CTNNA3: variants seen among roughly 807,000 people sequenced by gnomAD.
CTNNA3 encodes the protein catenin alpha-3.
Under a neutral mutation model 95.7 loss-of-function variants are expected in CTNNA3, and 76 were observed. The observed-to-expected ratio is 0.79, with a 90% CI of 0.66 to 0.96. The LOEUF is 0.96. CTNNA3 is among the 40% of genes least tolerant of loss of function. The pLI, the probability that CTNNA3 is intolerant of heterozygous loss-of-function variation, is 0.00. For synonymous variants in CTNNA3, 431 were observed against 374.4 expected (o/e 1.15, Z -1.74); for missense variants, 1,191 against 1,089.8 (o/e 1.09, Z -1.31).
intron 13 of CTNNA3, among the ~76,000 whole-genome samples, chr10:66,139,179 T>C (rs977885312): frequency 6.6e-6 from 1 of 152,204 alleles, no homozygotes; most frequent in African/African-American, 2.4e-5. Flanking sequence ...GATATCATGA[T>C]GCCGAAATGT....
At chr10:66,825,706 C>CT (rs969892434) in intron 7 of CTNNA3, among the ~76,000 whole-genome samples, 6 of 152,066 alleles carry the variant, frequency 3.9e-5, no homozygotes, top group Non-Finnish European at 5.9e-5. Context: ...GCTAGCCAAA[C>CT]TTTTTTTTCT....
At chr10:66,173,918 G>A (rs2085567953) in intron 13 of CTNNA3, among the ~76,000 whole-genome samples, 1 of 152,118 alleles carries the variant, frequency 6.6e-6, no homozygotes, top group African/African-American at 2.4e-5. Context: ...AAGATTTTAA[G>A]TAACTTGCTC....
intron 10 of CTNNA3, among the ~76,000 whole-genome samples, chr10:66,528,638 G>A (rs978626834): frequency 4.6e-5 from 7 of 152,166 alleles, no homozygotes; most frequent in African/African-American, 1.7e-4. Context: ...TTTGTGTTTA[G>A]TGGGTAATTT....
At chr10:66,454,918 T>A (rs4745899) in intron 11 of CTNNA3, among the ~76,000 whole-genome samples, 41,448 of 151,970 alleles carry the variant, frequency 0.27, 5,839 homozygotes, top group South Asian at 0.39. Context: ...TGTGTATGTA[T>A]GTCTGTACCA....
intron 8 of CTNNA3, among the ~76,000 whole-genome samples, chr10:66,773,820 C>A (rs1225212918): frequency 6.6e-6 from 1 of 152,086 alleles, no homozygotes; most frequent in East Asian, 1.9e-4. Flanking sequence ...ATCCCCAATG[C>A]TATTTCTATA....
At chr10:67,379,171 G>A (rs1425874205) in intron 5 of CTNNA3, among the ~76,000 whole-genome samples, 1 of 152,122 alleles carries the variant, frequency 6.6e-6, no homozygotes, top group Non-Finnish European at 1.5e-5. Flanking sequence ...TTATTATAAA[G>A]TTGCCATGAG....
At chr10:66,805,606 T>A (rs182866305) in intron 7 of CTNNA3, among the ~76,000 whole-genome samples, 6 of 151,644 alleles carry the variant, frequency 4.0e-5, no homozygotes, top group Non-Finnish European at 7.4e-5. Flanking sequence ...AAGGATTTTC[T>A]GAGATGTCTA....
intron 5 of CTNNA3, among the ~76,000 whole-genome samples, chr10:67,287,580 G>A (rs1377333680): frequency 2.6e-5 from 4 of 152,108 alleles, no homozygotes; most frequent in Non-Finnish European, 5.9e-5. Flanking sequence ...ATTTATAGAA[G>A]GATTTTTCTT....
chr10:66,595,361 T>A (rs1424046893), intron 10 of CTNNA3, among the ~76,000 whole-genome samples: 1 of 145,082 alleles, frequency 6.9e-6, no homozygotes, highest in Admixed American at 6.8e-5. Flanking sequence ...TATTATTATT[T>A]GAGACAGAGT....
intron 5 of CTNNA3, among the ~76,000 whole-genome samples, chr10:67,245,761 G>C (rs967139267): frequency 6.6e-6 from 1 of 151,448 alleles, no homozygotes; most frequent in African/African-American, 2.4e-5. Context: ...AAGAGGCTGA[G>C]GCAGAATTTC....
At chr10:67,463,361 C>T (rs559075098) in intron 5 of CTNNA3, among the ~76,000 whole-genome samples, 25 of 152,210 alleles carry the variant, frequency 1.6e-4, no homozygotes, top group Admixed American at 1.5e-3. Context: ...GCAAAAGAAA[C>T]CAAAATTTAC....
At chr10:66,866,446 C>A (rs946625704) in intron 7 of CTNNA3, among the ~76,000 whole-genome samples, 1 of 152,148 alleles carries the variant, frequency 6.6e-6, no homozygotes, top group Non-Finnish European at 1.5e-5. Flanking sequence ...TTATTTTGTG[C>A]AACTTTTGTG....
intron 3 of CTNNA3, among the ~76,000 whole-genome samples, chr10:67,600,986 G>A (rs1182969478): frequency 6.6e-6 from 1 of 152,184 alleles, no homozygotes; most frequent in Non-Finnish European, 1.5e-5. Flanking sequence ...CTCACCTATG[G>A]TGTTAGAAGT....
chr10:67,654,645 A>G (rs935744842), intron 1 of CTNNA3, among the ~76,000 whole-genome samples: 1 of 151,888 alleles, frequency 6.6e-6, no homozygotes, highest in African/African-American at 2.4e-5. Context: ...GCACCACCAC[A>G]CCTGGCTGTT....
intron 5 of CTNNA3, among the ~76,000 whole-genome samples, chr10:67,465,423 A>C (rs11819739): frequency 0.027 from 4,159 of 152,232 alleles, 96 homozygotes; most frequent in African/African-American, 0.051. Context: ...AGGAAAGGAA[A>C]GGAAAAGAGA....
rs75402570 is a variant in CTNNA3 at position 67,620,937 on chromosome 10, A to G, written c.100-13888T>C. Among the ~76,000 whole-genome samples, 5,015 of 138,356 alleles carry G rather than the reference A, an allele frequency of 0.036. 673 individuals are homozygous for G. The East Asian group carries it at 0.44, about 12-fold the overall frequency. 90.8% of individuals were successfully genotyped at this position (138,356 alleles called of 152,430 possible). On this transcript the variant is annotated intron_variant, in intron 2 of 17. Transcript: ENST00000433211. Reference sequence around the variant, plus strand: ...TGTGTGTGTGTGTATATATATATATATATATATATATATACAGAAATGTGG... The same window carrying G: ...TGTGTGTGTGTGTATATATATATATGTATATATATATATACAGAAATGTGG...
intron 1 of CTNNA3, among the ~76,000 whole-genome samples, chr10:67,672,992 G>C (rs1202421699): frequency 4.0e-5 from 6 of 151,344 alleles, no homozygotes; most frequent in Non-Finnish European, 5.9e-5. Flanking sequence ...CTACCCATGA[G>C]CATGGAATGT....
intron 1 of CTNNA3, among the ~76,000 whole-genome samples, chr10:67,742,589 G>A (rs1451459230): frequency 6.6e-6 from 1 of 151,030 alleles, no homozygotes; most frequent in Non-Finnish European, 1.5e-5. Flanking sequence ...ACAATTAAAA[G>A]AGCTAGAAAA....
chr10:66,059,384 T>C (rs2080150506), intron 15 of CTNNA3, among the ~76,000 whole-genome samples: 1 of 152,120 alleles, frequency 6.6e-6, no homozygotes, highest in Non-Finnish European at 1.5e-5. Flanking sequence ...ATAGACTTCA[T>C]TCAACACCTG....
Sources: gnomAD v4.1 joint callset for allele counts (sites outside exome capture counted in the v4.1 genomes callset) on GRCh38, gnomAD v4.1.1 for gene constraint, MANE v1.5 for transcripts, NCBI Gene and HGNC (gene_info 2026-07-23, HGNC 2026-07-21) for gene names.